RBKS: variants seen among roughly 807,000 people sequenced by gnomAD.
RBKS encodes the protein ribokinase.
In RBKS, 33 loss-of-function variants were observed where a neutral mutation model predicts 33.9. That is an observed-to-expected ratio of 0.97 (90% CI 0.74 to 1.30). RBKS has a LOEUF of 1.30. Ranked by LOEUF, RBKS falls within the 50% of genes most tolerant of loss-of-function variation. RBKS has a pLI of 0.00. For synonymous variants in RBKS, 125 were observed against 143.0 expected (o/e 0.87, Z 0.90); for missense variants, 361 against 392.6 (o/e 0.92, Z 0.68).
intron 6 of RBKS, among the ~76,000 whole-genome samples, chr2:27,830,188 T>G (rs1161727768): frequency 1.3e-5 from 2 of 152,206 alleles, no homozygotes; most frequent in East Asian, 3.9e-4. Context: ...ATCAGTGGTT[T>G]GTGTTTGGAG....
intron 7 of RBKS, among the ~76,000 whole-genome samples, chr2:27,809,419 T>C (rs1677950676): frequency 1.3e-5 from 2 of 152,172 alleles, no homozygotes; most frequent in Admixed American, 1.3e-4. Context: ...TCCATGTTAA[T>C]GAAAGAGAAG....
At chr2:27,809,867 A>C in intron 7 of RBKS, 2 of 1,215,110 alleles carry the variant, frequency 1.6e-6, no homozygotes, top group Non-Finnish European at 2.2e-6. Context: ...CTGCTGATGC[A>C]CAAAATTTTG....
At chr2:27,857,866 T>A (rs1333190458) in intron 2 of RBKS, among the ~76,000 whole-genome samples, 1 of 152,072 alleles carries the variant, frequency 6.6e-6, no homozygotes, top group Non-Finnish European at 1.5e-5. Flanking sequence ...ACAATAAACT[T>A]CCACAAGAAT....
chr2:27,850,477 A>G (rs1257035673), intron 2 of RBKS, among the ~76,000 whole-genome samples: 1 of 152,216 alleles, frequency 6.6e-6, no homozygotes, highest in Admixed American at 6.5e-5. Flanking sequence ...TGCTTTGTAT[A>G]TTCATCCTTC....
chr2:27,881,900 C>T (rs1664424010), intron 1 of RBKS, among the ~76,000 whole-genome samples: 2 of 152,110 alleles, frequency 1.3e-5, no homozygotes, highest in African/African-American at 4.8e-5. Context: ...CTTTCTTACA[C>T]CATATACAAA....
At chr2:27,878,124 G>C (rs1664349880) in intron 1 of RBKS, among the ~76,000 whole-genome samples, 1 of 151,542 alleles carries the variant, frequency 6.6e-6, no homozygotes, top group African/African-American at 2.4e-5. Context: ...CTGGTGTGCT[G>C]CACCCATTAA....
intron 1 of RBKS, among the ~76,000 whole-genome samples, chr2:27,879,664 C>G (rs1035828082): frequency 1.3e-5 from 2 of 152,132 alleles, no homozygotes; most frequent in Admixed American, 6.5e-5. Flanking sequence ...GATATTACCA[C>G]TGACCCCACA....
At chr2:27,817,774 G>A (rs1353679076) in intron 7 of RBKS, among the ~76,000 whole-genome samples, 1 of 152,122 alleles carries the variant, frequency 6.6e-6, no homozygotes, top group Non-Finnish European at 1.5e-5. Context: ...GTCACAAGTA[G>A]GCCCATCTTC....
intron 4 of RBKS, among the ~76,000 whole-genome samples, 163 bp downstream of exon 4, chr2:27,846,879 A>T (rs1439728438): frequency 1.3e-5 from 2 of 152,254 alleles, no homozygotes; most frequent in African/African-American, 4.8e-5. Context: ...GTATAAATAA[A>T]GGGAAACACA....
chr2:27,885,166 T>G (rs1465274592), intron 1 of RBKS, among the ~76,000 whole-genome samples: 2 of 152,160 alleles, frequency 1.3e-5, no homozygotes, highest in Non-Finnish European at 2.9e-5. Flanking sequence ...TGCGTTTTCA[T>G]AGAGGTCAAC....
intron 6 of RBKS, among the ~76,000 whole-genome samples, chr2:27,829,373 T>TG (rs1428661895): frequency 6.7e-6 from 1 of 148,756 alleles, no homozygotes; most frequent in East Asian, 1.9e-4. Flanking sequence ...GTTTTTTTTT[T>TG]TTTTTTTTTT....
intron 4 of RBKS, among the ~76,000 whole-genome samples, chr2:27,843,895 C>G (rs1476205387): frequency 6.6e-6 from 1 of 152,086 alleles, no homozygotes; most frequent in East Asian, 1.9e-4. Context: ...TAAGGTGAAC[C>G]CTTAAGAGCT....
intron 7 of RBKS, among the ~76,000 whole-genome samples, chr2:27,799,181 T>C (rs573293162): frequency 6.6e-6 from 1 of 152,236 alleles, no homozygotes; most frequent in South Asian, 2.1e-4. Flanking sequence ...AAATTCCAGT[T>C]GATAGAAAAG....
chr2:27,790,524 C>T (rs1558533343), intron 7 of RBKS, among the ~76,000 whole-genome samples: 1 of 151,918 alleles, frequency 6.6e-6, no homozygotes, highest in Non-Finnish European at 1.5e-5. Flanking sequence ...AAAATATTTG[C>T]AAAACATGTA....
chr2:27,835,261 A>C (rs1678495259), intron 5 of RBKS, among the ~76,000 whole-genome samples: 1 of 147,650 alleles, frequency 6.8e-6, no homozygotes, highest in Admixed American at 6.9e-5. Flanking sequence ...GGGCAACAAG[A>C]GCGAAACTCT....
chr2:27,849,504 A>T (rs1176648614), intron 2 of RBKS, among the ~76,000 whole-genome samples: 1 of 146,612 alleles, frequency 6.8e-6, no homozygotes, highest in Admixed American at 6.9e-5. Flanking sequence ...AGGTTGCAGT[A>T]AGCTGAGATT....
At chr2:27,854,383 C>A (rs1268386482) in intron 2 of RBKS, among the ~76,000 whole-genome samples, 1 of 152,118 alleles carries the variant, frequency 6.6e-6, no homozygotes, top group Non-Finnish European at 1.5e-5. Context: ...AGTTAGGAGG[C>A]CAGCAGGTCT....
At chr2:27,849,952 C>T (rs912390649) in intron 2 of RBKS, among the ~76,000 whole-genome samples, 4 of 152,150 alleles carry the variant, frequency 2.6e-5, no homozygotes, top group Admixed American at 2.0e-4. Flanking sequence ...TTCTGGCCTC[C>T]GTGGTGCTGC....
In RBKS at chr2:27,880,504, T is replaced by C. The variant is rs369704265; in HGVS notation, c.89+9753A>G. ...AACTATCCCTATTTGCATGATTCTA[T>C]ACCTAGGAAACCCCATAATCTTGGC... is the stretch of plus-strand genomic sequence containing the variant. On this transcript the variant is annotated intron_variant, in intron 1 of 7. Transcript: ENST00000302188. Among the ~76,000 whole-genome samples the C allele has an allele frequency of 1.2e-4, 18 of 152,208 alleles. 1 individual carries two copies. Among genetic ancestry groups the C allele is most frequent in the African/African-American group, 4.3e-4 (18 of 41,536 alleles).
Sources: allele counts gnomAD v4.1 joint callset (sites outside exome capture counted in the v4.1 genomes callset), GRCh38; gene constraint gnomAD v4.1.1; transcripts MANE v1.5; gene names NCBI Gene and HGNC (gene_info 2026-07-23, HGNC 2026-07-21).